The following FBXW10B variants were observed in gnomAD, a reference collection of about 807,000 sequenced individuals.
FBXW10B encodes F-box and WD repeat domain containing 10B, also known as F-box and WD repeat domain containing protein 10B.
chr17:15,566,391 C>T, the FBXW10B span: 85 of 1,367,308 alleles, frequency 6.2e-5, 10 homozygotes, highest in South Asian at 1.0e-3. Flanking sequence ...AAAAAATCGG[C>T]GTTCTATGAA....
chr17:15,566,774 C>T, the FBXW10B span, among the ~76,000 whole-genome samples: 1 of 151,180 alleles, frequency 6.6e-6, no homozygotes, highest in Non-Finnish European at 1.5e-5. Context: ...CCGTGTTAGC[C>T]AGGATGGTCT....
the FBXW10B span, among the ~76,000 whole-genome samples, chr17:15,590,225 T>C: frequency 6.6e-6 from 1 of 151,884 alleles, no homozygotes; most frequent in African/African-American, 2.4e-5. Flanking sequence ...ATGAAATGAA[T>C]TGTTATTTGT....
At chr17:15,598,532 C>T in the FBXW10B span, 11 of 1,613,538 alleles carry the variant, frequency 6.8e-6, no homozygotes, top group Admixed American at 1.7e-4. Context: ...TCTTTCTCAC[C>T]TTTTACCTGG....
the FBXW10B span, among the ~76,000 whole-genome samples, chr17:15,598,962 A>C: frequency 6.6e-6 from 1 of 152,080 alleles, no homozygotes; most frequent in Non-Finnish European, 1.5e-5. Context: ...GGATCATGAG[A>C]TCAAGAGATT....
At chr17:15,615,453 C>T in the FBXW10B span, among the ~76,000 whole-genome samples, 1 of 149,668 alleles carries the variant, frequency 6.7e-6, no homozygotes, top group Non-Finnish European at 1.5e-5. Flanking sequence ...GCTGGGACTA[C>T]AGGTGCCTGC....
chr17:15,600,839 G>A, the FBXW10B span, among the ~76,000 whole-genome samples: 1 of 151,812 alleles, frequency 6.6e-6, no homozygotes, highest in East Asian at 1.9e-4. Context: ...CACGAGGTCA[G>A]GAGATTGAGA....
At chr17:15,596,253 C>CA in the FBXW10B span, among the ~76,000 whole-genome samples, 1 of 151,928 alleles carries the variant, frequency 6.6e-6, no homozygotes. Flanking sequence ...AGGCCCTGAG[C>CA]CCATATCTCA....
chr17:15,585,901 G>A, the FBXW10B span, among the ~76,000 whole-genome samples: 2 of 151,578 alleles, frequency 1.3e-5, no homozygotes, highest in Admixed American at 6.6e-5. Flanking sequence ...GGATTGTAGT[G>A]GTAAAGCCAT....
At chr17:15,600,575 G>A in the FBXW10B span, among the ~76,000 whole-genome samples, 53 of 151,020 alleles carry the variant, frequency 3.5e-4, 2 homozygotes, top group African/African-American at 1.2e-3. Context: ...AAAGGTATAA[G>A]CCAAAGTCAT....
At chr17:15,592,866 A>T in the FBXW10B span, among the ~76,000 whole-genome samples, 1,467 of 152,208 alleles carry the variant, frequency 9.6e-3, 23 homozygotes, top group African/African-American at 0.034. Context: ...GCGCTTTGGG[A>T]GGCCGTGACG....
chr17:15,575,226 T>C, the FBXW10B span, among the ~76,000 whole-genome samples: 5 of 148,330 alleles, frequency 3.4e-5, no homozygotes, highest in African/African-American at 1.3e-4. Flanking sequence ...ACACTTATTT[T>C]GGAATGTTTC....
the FBXW10B span, chr17:15,565,639 G>A: frequency 8.7e-6 from 14 of 1,614,088 alleles, no homozygotes; most frequent in Non-Finnish European, 1.0e-5. Flanking sequence ...AGCTTTGCTG[G>A]CTTTTCCTGG....
the FBXW10B span, among the ~76,000 whole-genome samples, chr17:15,617,017 G>C: frequency 0.42 from 63,294 of 151,794 alleles, 16,265 homozygotes; most frequent in African/African-American, 0.72. Flanking sequence ...GGAGGGGATC[G>C]TGGTTTTCAG....
the FBXW10B span, chr17:15,613,660 G>A: frequency 1.9e-6 from 3 of 1,597,704 alleles, no homozygotes; most frequent in East Asian, 2.2e-5. Context: ...GCGCTGACAA[G>A]TCCATCTTGA....
the FBXW10B span, among the ~76,000 whole-genome samples, chr17:15,578,673 G>T: frequency 0.065 from 9,860 of 152,076 alleles, 1,120 homozygotes; most frequent in African/African-American, 0.22. Context: ...TAGAAAAACA[G>T]ACTAAGAGAT....
chr17:15,574,404 G>A, the FBXW10B span, among the ~76,000 whole-genome samples: 1 of 116,292 alleles, frequency 8.6e-6, no homozygotes, highest in Non-Finnish European at 1.7e-5. Context: ...TACAATAATT[G>A]CAAGTGGTTA....
the FBXW10B span, among the ~76,000 whole-genome samples, chr17:15,598,166 G>A: frequency 2.0e-5 from 3 of 152,174 alleles, no homozygotes; most frequent in African/African-American, 4.8e-5. Flanking sequence ...AATGGCAGCC[G>A]TTGTTGTTCA....
the FBXW10B span, chr17:15,612,699 A>C: frequency 6.2e-7 from 1 of 1,613,732 alleles, no homozygotes; most frequent in East Asian, 2.2e-5. Flanking sequence ...GTTGGAACCC[A>C]CCTTCGTTCT....
chr17:15,604,492 C>G, the FBXW10B span, among the ~76,000 whole-genome samples: 97 of 152,014 alleles, frequency 6.4e-4, no homozygotes, highest in Non-Finnish European at 1.1e-3. Context: ...GAGTAATGGA[C>G]GCATGAGTGT....
Sources: allele counts gnomAD v4.1 joint callset (sites outside exome capture counted in the v4.1 genomes callset), GRCh38; gene constraint gnomAD v4.1.1; transcripts MANE v1.5; gene names NCBI Gene and HGNC (gene_info 2026-07-23, HGNC 2026-07-21).